Variants in PTPRM observed in about 807,000 individuals in gnomAD.
PTPRM encodes protein tyrosine phosphatase receptor type M, also known as receptor-type tyrosine-protein phosphatase mu.
In PTPRM, 47 loss-of-function variants were observed where a neutral mutation model predicts 186.7. The observed-to-expected ratio is 0.25, with a 90% confidence interval of 0.20 to 0.32. PTPRM has a LOEUF of 0.32. PTPRM is among the 10% of genes least tolerant of loss of function. The pLI is 1.00. For missense variants in PTPRM, 1,494 were observed against 1,865.0 expected, an observed-to-expected ratio of 0.80 and a Z score of 3.66; for synonymous variants, 668 against 674.9, an observed-to-expected ratio of 0.99 and a Z score of 0.16.
intron 11 of PTPRM, among the ~76,000 whole-genome samples, chr18:8,101,113 A>G (rs189305965): frequency 9.8e-4 from 149 of 152,346 alleles, no homozygotes; most frequent in African/African-American, 3.4e-3. Flanking sequence ...CTGTTTATAG[A>G]TAACAGCTCA....
chr18:8,387,281 C>T, intron 31 of PTPRM, 46 bp downstream of exon 31: 1 of 1,546,596 alleles, frequency 6.5e-7, no homozygotes, highest in East Asian at 2.3e-5. Context: ...CGAGGCCCCA[C>T]ACTCACTCTC....
At chr18:8,160,164 G>T (rs1282720520) in intron 14 of PTPRM, among the ~76,000 whole-genome samples, 1 of 151,988 alleles carries the variant, frequency 6.6e-6, no homozygotes, top group Non-Finnish European at 1.5e-5. Context: ...GTATTCCATT[G>T]CATTTTTATA....
intron 23 of PTPRM, among the ~76,000 whole-genome samples, chr18:8,345,240 A>G (rs2446504): frequency 0.78 from 109,551 of 140,168 alleles, 39,651 homozygotes; most frequent in Admixed American, 0.84. Context: ...ACCAAAGAAA[A>G]AAAAAAGGAA....
At position 8,149,202 on chromosome 18, in the gene PTPRM, T is replaced by C. The variant is rs2092949155; in HGVS notation, c.2300+5423T>C. 2.0e-5 allele frequency among the ~76,000 whole-genome samples: 3 copies of C among 152,198 alleles called. No individual in the cohort carries two copies. The South Asian group carries it at 6.2e-4, about 32-fold the overall frequency. On this transcript the variant is annotated intron_variant, in intron 14 of 32. Transcript: ENST00000580170. ...CAGAGCTGAGTTCAAGTCCTGAATA[T>C]CCTTGTTAATTTTCTGTCTAATTGA...
chr18:7,851,661 A>C (rs184021672), intron 2 of PTPRM, among the ~76,000 whole-genome samples: 171 of 147,474 alleles, frequency 1.2e-3, no homozygotes, highest in Admixed American at 2.5e-3. Flanking sequence ...AAACTGAGGC[A>C]ATTAATTACC....
At chr18:7,594,953 T>C (rs2037219309) in intron 1 of PTPRM, among the ~76,000 whole-genome samples, 1 of 152,206 alleles carries the variant, frequency 6.6e-6, no homozygotes, top group African/African-American at 2.4e-5. Context: ...GACTGAGTTT[T>C]GACAGTGGGG....
intron 6 of PTPRM, among the ~76,000 whole-genome samples, chr18:7,950,898 A>G (rs544110222): frequency 1.2e-4 from 19 of 152,266 alleles, no homozygotes; most frequent in Middle Eastern, 3.4e-3. Context: ...AAAACCTCCA[A>G]TGAGTCAGCC....
chr18:8,120,725 G>A (rs1428630958), intron 13 of PTPRM, among the ~76,000 whole-genome samples: 1 of 151,956 alleles, frequency 6.6e-6, no homozygotes, highest in Admixed American at 6.6e-5. Flanking sequence ...AAACTCCTGA[G>A]CTCAAGCGAT....
chr18:7,961,729 A>T (rs2053693193), intron 7 of PTPRM, among the ~76,000 whole-genome samples: 1 of 152,214 alleles, frequency 6.6e-6, no homozygotes, highest in South Asian at 2.1e-4. Context: ...ATGTATTAGA[A>T]GTCTTTAATA....
chr18:7,870,676 T>C (rs1036819009), intron 2 of PTPRM, among the ~76,000 whole-genome samples: 2 of 152,210 alleles, frequency 1.3e-5, no homozygotes, highest in Non-Finnish European at 2.9e-5. Flanking sequence ...CAATTTTAAA[T>C]ATTAAATCAC....
intron 14 of PTPRM, among the ~76,000 whole-genome samples, chr18:8,208,567 A>G (rs558824240): frequency 6.6e-6 from 1 of 151,958 alleles, no homozygotes; most frequent in African/African-American, 2.4e-5. Flanking sequence ...GCTTAAGTGC[A>G]GTGGCACCAT....
At chr18:7,613,331 A>G (rs2037723544) in intron 1 of PTPRM, among the ~76,000 whole-genome samples, 1 of 152,102 alleles carries the variant, frequency 6.6e-6, no homozygotes, top group Non-Finnish European at 1.5e-5. Context: ...CCCCTTTTTC[A>G]TACAGTAGAT....
Position 7,875,267 on chromosome 18 carries a change from T to C in PTPRM, c.197-12839T>C, listed in dbSNP as rs1223423272. ...CCCACAGTGGGTAAATTGTTCACTG[T>C]ATTATGGTGTATCCTAGGATACTAT... On this transcript the variant is annotated intron_variant, in intron 2 of 32. Coordinates refer to ENST00000580170, the MANE Select transcript of PTPRM (RefSeq NM_001105244.2). Among the ~76,000 whole-genome samples, 4 of 151,870 alleles carry C rather than the reference T, an allele frequency of 2.6e-5. No individual in the cohort carries two copies. In the East Asian group the frequency reaches 7.7e-4, roughly 29 times the overall value.
At chr18:8,109,761 A>G (rs1199693944) in intron 11 of PTPRM, among the ~76,000 whole-genome samples, 3 of 152,148 alleles carry the variant, frequency 2.0e-5, no homozygotes, top group Non-Finnish European at 4.4e-5. Context: ...TGTTGAAATA[A>G]TAAATCAGTG....
intron 2 of PTPRM, among the ~76,000 whole-genome samples, chr18:7,880,924 A>G (rs1237003568): frequency 6.6e-6 from 1 of 152,168 alleles, no homozygotes; most frequent in South Asian, 2.1e-4. Context: ...GTCTTAAAGC[A>G]TTTGTGGGCT....
At position 8,076,246 on chromosome 18, in the gene PTPRM, C is replaced by T. The variant is rs138297769; in HGVS notation, c.1442-209C>T. 2.2e-3 allele frequency among the ~76,000 whole-genome samples: 340 copies of T among 152,004 alleles called. 7 individuals carry two copies. The highest frequency in any genetic ancestry group is 0.018 in the Admixed American group (281 of 15,266). On this transcript the variant is annotated intron_variant, in intron 8 of 32. Transcript: ENST00000580170. ...CTGAGCTCTGTCTAATTGATTAAAACTTTTAAGAAAAAAAATGATAAAGTT... is the reference window on the plus strand; with the variant it reads ...CTGAGCTCTGTCTAATTGATTAAAATTTTTAAGAAAAAAAATGATAAAGTT...
intron 2 of PTPRM, among the ~76,000 whole-genome samples, chr18:7,824,657 C>G (rs1348016136): frequency 5.3e-5 from 8 of 152,130 alleles, no homozygotes; most frequent in African/African-American, 1.9e-4. Flanking sequence ...ATTTTCCTGT[C>G]CAGTTACTAA....
chr18:8,287,977 T>C (rs972450369), intron 19 of PTPRM, among the ~76,000 whole-genome samples: 3 of 152,160 alleles, frequency 2.0e-5, no homozygotes, highest in African/African-American at 7.2e-5. Flanking sequence ...GGCACTGCAG[T>C]GAGAACAGGG....
chr18:8,208,043 G>T (rs538224273), intron 14 of PTPRM, among the ~76,000 whole-genome samples: 1 of 152,288 alleles, frequency 6.6e-6, no homozygotes, highest in East Asian at 1.9e-4. Context: ...AGGGACTACC[G>T]AGGTCAGAGG....
Sources: allele counts gnomAD v4.1 joint callset (sites outside exome capture counted in the v4.1 genomes callset), GRCh38; gene constraint gnomAD v4.1.1; transcripts MANE v1.5; gene names NCBI Gene and HGNC (gene_info 2026-07-23, HGNC 2026-07-21).